Variants in RBFOX1 observed in about 807,000 individuals in gnomAD.
RBFOX1 encodes RNA binding fox-1 homolog 1.
In RBFOX1, 8 loss-of-function variants were observed where a neutral mutation model predicts 57.7. The observed-to-expected ratio is 0.14, with a 90% CI of 0.08 to 0.25. The LOEUF (loss-of-function observed/expected upper bound fraction) is 0.25, where lower values mean the gene tolerates loss of function less well. Ranked by LOEUF, RBFOX1 falls within the 10% of genes least tolerant of loss-of-function variation. The probability of loss-of-function intolerance (pLI) is 1.00; values close to 1 mark genes in which losing one functional copy is unlikely to be tolerated. For missense variants in RBFOX1, 611 were observed against 548.5 expected, an observed-to-expected ratio of 1.11 and a Z score of -1.14; for synonymous variants, 326 against 222.4, an observed-to-expected ratio of 1.47 and a Z score of -4.15.
In RBFOX1 at chr16:7,444,251, T is replaced by C. The variant is rs1476440985; in HGVS notation, c.28-73896T>C. On this transcript the variant is annotated intron_variant, in intron 4 of 15. Transcript: ENST00000550418. ...GTGTAGTTATCTATGTTCTAACCTGTTTCCTAATGGGTCATCCAGAAAACG... is the reference window on the plus strand; with the variant it reads ...GTGTAGTTATCTATGTTCTAACCTGCTTCCTAATGGGTCATCCAGAAAACG... Among the ~76,000 whole-genome samples the C allele has an allele frequency of 3.3e-5, 5 of 152,218 alleles. No individual in the cohort carries two copies. The East Asian group carries it at 9.6e-4, about 29-fold the overall frequency.
chr16:5,959,119 C>T (rs1424925709), intron 4 of RBFOX1, among the ~76,000 whole-genome samples: 1 of 152,188 alleles, frequency 6.6e-6, no homozygotes. Flanking sequence ...GTGGTTTTAA[C>T]TGAAGTGTAA....
At chr16:7,194,612 T>A (rs7190268) in intron 4 of RBFOX1, among the ~76,000 whole-genome samples, 90,232 of 151,942 alleles carry the variant, frequency 0.59, 26,939 homozygotes, top group Middle Eastern at 0.64. Flanking sequence ...CCAGAAACAC[T>A]TCGTTTTATT....
chr16:7,175,319 C>A (rs147909747), intron 4 of RBFOX1, among the ~76,000 whole-genome samples: 1 of 152,072 alleles, frequency 6.6e-6, no homozygotes. Flanking sequence ...AATGAAATAA[C>A]CTTCTTCGCC....
chr16:5,588,694 A>G (rs2046910478), intron 2 of RBFOX1, among the ~76,000 whole-genome samples: 1 of 152,202 alleles, frequency 6.6e-6, no homozygotes, highest in South Asian at 2.1e-4. Flanking sequence ...TGGGAGAGGC[A>G]TGAACCACTT....
chr16:5,901,883 A>G (rs544843956), intron 4 of RBFOX1, among the ~76,000 whole-genome samples: 8 of 152,252 alleles, frequency 5.3e-5, no homozygotes, highest in African/African-American at 1.9e-4. Context: ...GCCTATGCCC[A>G]AGCATTCTTG....
intron 3 of RBFOX1, among the ~76,000 whole-genome samples, chr16:6,818,076 C>T (rs946117048): frequency 1.3e-5 from 2 of 152,168 alleles, no homozygotes; most frequent in Non-Finnish European, 2.9e-5. Context: ...TCTTAGATGT[C>T]ATGATGTAAT....
At chr16:6,931,600 C>T (rs550683996) in intron 3 of RBFOX1, among the ~76,000 whole-genome samples, 13 of 152,222 alleles carry the variant, frequency 8.5e-5, no homozygotes, top group East Asian at 5.8e-4. Flanking sequence ...ACATATCCCA[C>T]CCCACAACCA....
chr16:7,135,390 A>T (rs549103412), intron 4 of RBFOX1, among the ~76,000 whole-genome samples: 1 of 152,228 alleles, frequency 6.6e-6, no homozygotes, highest in Non-Finnish European at 1.5e-5. Flanking sequence ...TTTATTTTCA[A>T]TGAGCATGCA....
chr16:5,593,385 A>C (rs541735047), intron 2 of RBFOX1, among the ~76,000 whole-genome samples: 2 of 152,278 alleles, frequency 1.3e-5, no homozygotes, highest in African/African-American at 2.4e-5. Context: ...AGAAATACCT[A>C]ATGTAGATGA....
At position 7,456,945 on chromosome 16, in the gene RBFOX1, C is replaced by A. The variant is rs1476770571; in HGVS notation, c.28-61202C>A. On this transcript the variant is annotated intron_variant, in intron 4 of 15. Transcript: ENST00000550418. ...TCGCTCTTGTTGCCCAGGCTGAGTG[C>A]AATGGCGCGATCCCGGCTCACTGCA... is the stretch of plus-strand genomic sequence containing the variant. Among the ~76,000 whole-genome samples, 5 of 151,866 alleles carry A rather than the reference C, an allele frequency of 3.3e-5. No individual in the cohort carries two copies. The South Asian group carries it at 8.3e-4, about 25-fold the overall frequency.
At chr16:7,155,712 A>AAAAT (rs1195367029) in intron 4 of RBFOX1, among the ~76,000 whole-genome samples, 26 of 77,402 alleles carry the variant, frequency 3.4e-4, no homozygotes, top group Non-Finnish European at 5.2e-4. Context: ...AAAAAAAAAA[A>AAAAT]ATATATATAT....
chr16:6,476,350 A>G (rs1300191363), intron 2 of RBFOX1, among the ~76,000 whole-genome samples: 1 of 152,178 alleles, frequency 6.6e-6, no homozygotes, highest in Non-Finnish European at 1.5e-5. Flanking sequence ...AGACCTATAG[A>G]TGTACAGGCA....
At chr16:5,632,066 A>G (rs2048528081) in intron 3 of RBFOX1, among the ~76,000 whole-genome samples, 1 of 152,222 alleles carries the variant, frequency 6.6e-6, no homozygotes, top group Non-Finnish European at 1.5e-5. Flanking sequence ...CTAGGAAGCC[A>G]AGGAGGGCAC....
chr16:5,757,027 T>C (rs1166503358), intron 3 of RBFOX1, among the ~76,000 whole-genome samples: 2 of 152,218 alleles, frequency 1.3e-5, no homozygotes, highest in African/African-American at 4.8e-5. Context: ...TTAATTCAGA[T>C]GTTTCTGGTT....
chr16:7,104,905 C>A (rs1387670460), intron 4 of RBFOX1, among the ~76,000 whole-genome samples: 1 of 152,022 alleles, frequency 6.6e-6, no homozygotes, highest in Non-Finnish European at 1.5e-5. Flanking sequence ...CAGCCCCAAC[C>A]ATATTCAGAA....
intron 4 of RBFOX1, among the ~76,000 whole-genome samples, chr16:5,986,070 T>C (rs913136504): frequency 1.3e-5 from 2 of 151,898 alleles, no homozygotes; most frequent in Admixed American, 6.6e-5. Flanking sequence ...TTTTTTTTTT[T>C]TTTGTTTTCC....
chr16:6,264,713 C>T (rs1396465906), intron 1 of RBFOX1, among the ~76,000 whole-genome samples: 1 of 152,202 alleles, frequency 6.6e-6, no homozygotes, highest in African/African-American at 2.4e-5. Context: ...AAAGCAGTCC[C>T]TGAGGCCTAA....
chr16:5,382,405 C>A (rs1268480156), intron 1 of RBFOX1, among the ~76,000 whole-genome samples: 1 of 141,064 alleles, frequency 7.1e-6, no homozygotes, highest in Non-Finnish European at 1.5e-5. Context: ...TTTTTTTTTT[C>A]AAAGAGATGT....
chr16:5,834,932 C>T (rs902174462), intron 3 of RBFOX1, among the ~76,000 whole-genome samples: 5 of 152,136 alleles, frequency 3.3e-5, no homozygotes, highest in Admixed American at 6.6e-5. Context: ...ATAGCGTTTT[C>T]CACAGAGGTG....
Sources: gnomAD v4.1 joint callset for allele counts (sites outside exome capture counted in the v4.1 genomes callset) on GRCh38, gnomAD v4.1.1 for gene constraint, MANE v1.5 for transcripts, NCBI Gene and HGNC (gene_info 2026-07-23, HGNC 2026-07-21) for gene names.